CNTN5: variants seen among roughly 807,000 people sequenced by gnomAD.
CNTN5 encodes the protein contactin 5.
A neutral mutation model predicts 129.1 loss-of-function variants in CNTN5; 77 were observed. The observed-to-expected ratio is 0.60, with a 90% confidence interval of 0.50 to 0.72. The LOEUF (loss-of-function observed/expected upper bound fraction) is 0.72. Among genes scored for constraint, CNTN5 ranks in the 30% least tolerant of loss-of-function variants. The pLI, the probability that CNTN5 is intolerant of heterozygous loss-of-function variation, is 0.00. For synonymous variants in CNTN5, 509 were observed against 465.6 expected, an observed-to-expected ratio of 1.09 and a Z score of -1.20; for missense variants, 1,478 against 1,328.8, an observed-to-expected ratio of 1.11 and a Z score of -1.75.
intron 13 of CNTN5, among the ~76,000 whole-genome samples, chr11:100,145,125 C>G (rs1336861974): frequency 6.6e-6 from 1 of 151,340 alleles, no homozygotes; most frequent in Non-Finnish European, 1.5e-5. Context: ...TTCTTGATGT[C>G]TCATTTTTGA....
intron 24 of CNTN5, among the ~76,000 whole-genome samples, chr11:100,354,202 G>A (rs557010380): frequency 1.4e-3 from 212 of 151,526 alleles, no homozygotes; most frequent in African/African-American, 4.7e-3. Flanking sequence ...AAAAAGCTTC[G>A]TACAGTATGT....
At chr11:99,680,603 G>A (rs1194321469) in intron 3 of CNTN5, among the ~76,000 whole-genome samples, 1 of 151,770 alleles carries the variant, frequency 6.6e-6, no homozygotes, top group Non-Finnish European at 1.5e-5. Context: ...CAAAGGCTCT[G>A]ATGGAGATGC....
At chr11:99,583,266 G>A (rs924027144) in intron 3 of CNTN5, among the ~76,000 whole-genome samples, 10 of 152,338 alleles carry the variant, frequency 6.6e-5, no homozygotes, top group African/African-American at 2.4e-4. Context: ...GGCTACTTGG[G>A]GGTCAGGGAC....
At chr11:99,494,197 A>T (rs532904360) in intron 2 of CNTN5, among the ~76,000 whole-genome samples, 1 of 152,280 alleles carries the variant, frequency 6.6e-6, no homozygotes, top group South Asian at 2.1e-4. Flanking sequence ...TTTAGAAGTA[A>T]TCAACTCCAT....
intron 3 of CNTN5, among the ~76,000 whole-genome samples, chr11:99,668,181 GA>G (rs1269907254): frequency 6.6e-6 from 1 of 152,106 alleles, no homozygotes; most frequent in Non-Finnish European, 1.5e-5. Flanking sequence ...TTGGCATAAA[GA>G]AAAGGGGGAG....
At chr11:99,279,040 G>T (rs1285282532) in intron 1 of CNTN5, among the ~76,000 whole-genome samples, 1 of 151,652 alleles carries the variant, frequency 6.6e-6, no homozygotes. Flanking sequence ...GAATCCAGGG[G>T]ATTAAACACC....
chr11:100,044,075 G>A (rs988978899), intron 9 of CNTN5, among the ~76,000 whole-genome samples: 4 of 132,744 alleles, frequency 3.0e-5, no homozygotes, highest in Non-Finnish European at 6.3e-5. Context: ...AGTCTCTGGT[G>A]TCTATTATTC....
At chr11:99,523,822 G>A (rs935639166) in intron 2 of CNTN5, among the ~76,000 whole-genome samples, 2 of 152,134 alleles carry the variant, frequency 1.3e-5, no homozygotes, top group African/African-American at 2.4e-5. Context: ...TAGAGTAAGA[G>A]AGACTCAACA....
At chr11:99,771,452 G>T (rs1052757440) in intron 3 of CNTN5, among the ~76,000 whole-genome samples, 2 of 151,886 alleles carry the variant, frequency 1.3e-5, no homozygotes, top group Admixed American at 1.3e-4. Flanking sequence ...TACACACAAT[G>T]AAATATTATT....
At chr11:99,287,930 G>A (rs1030682700) in intron 1 of CNTN5, among the ~76,000 whole-genome samples, 3 of 151,818 alleles carry the variant, frequency 2.0e-5, no homozygotes, top group Non-Finnish European at 4.4e-5. Flanking sequence ...GGAGTAGGAG[G>A]ATTGTTGTTC....
intron 2 of CNTN5, among the ~76,000 whole-genome samples, chr11:99,375,577 A>T (rs1940131057): frequency 6.6e-6 from 1 of 152,162 alleles, no homozygotes; most frequent in South Asian, 2.1e-4. Context: ...CCCTAAATAT[A>T]GTGACTTAAA....
intron 2 of CNTN5, among the ~76,000 whole-genome samples, chr11:99,544,149 T>C (rs1319512656): frequency 6.6e-6 from 1 of 152,034 alleles, no homozygotes; most frequent in Non-Finnish European, 1.5e-5. Flanking sequence ...AGGAAGCCTT[T>C]ACTACGGTGG....
At chr11:99,662,561 G>T (rs544359470) in intron 3 of CNTN5, among the ~76,000 whole-genome samples, 4 of 152,148 alleles carry the variant, frequency 2.6e-5, no homozygotes, top group Non-Finnish European at 5.9e-5. Context: ...TAATAAACAC[G>T]TATTTATCTT....
In CNTN5 at chr11:99,554,010, ACTT is replaced by A. The variant is rs1193474151; in HGVS notation, c.-70-2128_-70-2126del. Among the ~76,000 whole-genome samples, 27 of 151,690 alleles carry A rather than the reference ACTT, an allele frequency of 1.8e-4. 1 individual carries two copies. The South Asian group carries it at 5.4e-3, about 30-fold the overall frequency. On this transcript the variant is annotated intron_variant, in intron 2 of 24. Coordinates refer to ENST00000524871, the MANE Select transcript of CNTN5 (RefSeq NM_014361.4). The stretch of plus-strand genomic sequence containing the variant: ...CACACACACACATACACACACACAC[ACTT>A]CTTCTTTTACAAGAGATTTTAACAT...
chr11:100,085,362 A>G (rs1413148906), intron 13 of CNTN5, among the ~76,000 whole-genome samples: 2 of 152,074 alleles, frequency 1.3e-5, no homozygotes, highest in East Asian at 1.9e-4. Flanking sequence ...ACAAAACTTC[A>G]TATTTTGGGA....
chr11:99,369,717 T>A (rs1264379887), intron 2 of CNTN5, among the ~76,000 whole-genome samples: 1 of 152,176 alleles, frequency 6.6e-6, no homozygotes, highest in East Asian at 1.9e-4. Flanking sequence ...TATTTTTCCA[T>A]TATCCAAAAT....
At chr11:100,335,593 C>T (rs1952019591) in intron 21 of CNTN5, among the ~76,000 whole-genome samples, 1 of 151,994 alleles carries the variant, frequency 6.6e-6, no homozygotes, top group Non-Finnish European at 1.5e-5. Flanking sequence ...CATGGTGAAA[C>T]CTCGTCTCTA....
At chr11:99,052,284 C>T (rs1158792903) in intron 1 of CNTN5, among the ~76,000 whole-genome samples, 1 of 151,708 alleles carries the variant, frequency 6.6e-6, no homozygotes, top group Non-Finnish European at 1.5e-5. Flanking sequence ...GGTAAAAAAT[C>T]TTGAAAAGTA....
intron 1 of CNTN5, among the ~76,000 whole-genome samples, chr11:99,267,395 T>G (rs1410830932): frequency 6.6e-6 from 1 of 152,048 alleles, no homozygotes; most frequent in Non-Finnish European, 1.5e-5. Context: ...GTGTCTTTAA[T>G]GTAAATTTCA....
Sources: allele counts gnomAD v4.1 joint callset (sites outside exome capture counted in the v4.1 genomes callset), GRCh38; gene constraint gnomAD v4.1.1; transcripts MANE v1.5; gene names NCBI Gene and HGNC (gene_info 2026-07-23, HGNC 2026-07-21).